The following POLRMT variants were observed in gnomAD, a reference collection of about 807,000 sequenced individuals.
POLRMT encodes the protein RNA polymerase mitochondrial, also known as DNA-directed RNA polymerase, mitochondrial.
POLRMT carries 114 observed loss-of-function variants against 132.2 expected under a neutral mutation model. The observed-to-expected ratio is 0.86, with a 90% CI of 0.74 to 1.01. The LOEUF (loss-of-function observed/expected upper bound fraction) is 1.01. POLRMT is among the 50% of genes least tolerant of loss of function. The pLI, the probability that POLRMT is intolerant of heterozygous loss-of-function variation, is 0.00. For synonymous variants in POLRMT, 1,020 were observed against 773.4 expected, an observed-to-expected ratio of 1.32 and a Z score of -5.29; for missense variants, 2,003 against 1,729.1, an observed-to-expected ratio of 1.16 and a Z score of -2.81.
intron 2 of POLRMT, among the ~76,000 whole-genome samples, chr19:632,418 C>T (rs1056642951): frequency 1.3e-5 from 2 of 152,140 alleles, no homozygotes; most frequent in African/African-American, 4.8e-5. Context: ...CTGTCCCTCC[C>T]AAGTTTCGCA....
At chr19:631,349 G>GA (rs34718478) in intron 2 of POLRMT, among the ~76,000 whole-genome samples, 22 of 147,650 alleles carry the variant, frequency 1.5e-4, no homozygotes, top group African/African-American at 5.5e-4. Flanking sequence ...GGGGGGGGGG[G>GA]ACCCAGGTGT....
At position 617,404 on chromosome 19, in the gene POLRMT, T is replaced by A. The variant is rs373582700; in HGVS notation, c.3643+15A>T. ...GCAGTTCGAGCCACCCTTGCGAGGC[T>A]GCCCACCCGCCTACCTGGCTTGGGC... On this transcript the variant is annotated intron_variant, in intron 20 of 20. Coordinates refer to ENST00000588649, the MANE Select transcript of POLRMT (RefSeq NM_005035.4). 2.2e-5 allele frequency: 36 copies of A among 1,612,258 alleles called. 1 individual carries two copies. In the African/African-American group the frequency reaches 4.8e-4, roughly 21 times the overall value.
In POLRMT at chr19:620,514, T is replaced by G; in HGVS notation, c.2641-27A>C. The G allele has an allele frequency of 1.9e-6, 3 of 1,539,242 alleles. 1 individual carries two copies. The highest frequency in any genetic ancestry group is 1.2e-5 in the South Asian group (1 of 80,178). ...TGCGGGGACAGCGGATGGGGGGCAG[T>G]GAGGCCCGGGCCCGATCCCTGAGCC... On this transcript the variant is annotated intron_variant, in intron 10 of 20. Coordinates refer to ENST00000588649, the MANE Select transcript of POLRMT (RefSeq NM_005035.4).
In POLRMT at chr19:624,895, G is replaced by A; in HGVS notation, c.964C>T (p.Gln322Ter). Residue 322 changes from glutamine (Q) to a stop codon, truncating the protein, a stop_gained, in exon 5 of 21, where the codon CAG becomes TAG. Transcript: ENST00000588649. LOFTEE classifies it high-confidence loss of function. ...DAGTIERCLE[Q>*]MSQEGLKLQA... ...AGCTTCAGCCCCTCCTGGCTCATCTGTTCCAGACACCTGTGGTGCAGGCGG... is the reference window on the plus strand; with the variant it reads ...AGCTTCAGCCCCTCCTGGCTCATCTATTCCAGACACCTGTGGTGCAGGCGG... 6.2e-7 allele frequency: 1 copy of A among 1,610,106 alleles called. No individual in the cohort carries two copies. The highest frequency in any genetic ancestry group is 1.1e-5 in the South Asian group (1 of 90,940).
rs1199672701 is a variant in POLRMT at position 621,451 on chromosome 19, G to A, written c.2247C>T (p.Ser749=). The A allele has an allele frequency of 1.1e-5, 16 of 1,402,258 alleles. No individual in the cohort carries two copies. The highest frequency in any genetic ancestry group is 2.8e-6 in the Non-Finnish European group (3 of 1,086,598). The allele number at this position is 1,402,258 out of a possible 1,614,324, so 86.9% of individuals were successfully genotyped here. ...PQPPEAHLPH[S]AAPARKAELR... is the part of the protein sequence containing the mutation. Reference sequence around the variant, plus strand: ...GCTCGGCCTTGCGGGCGGGCGCGGCGCTGTGCGGCAGGTGGGCCTCGGGCG... The same window carrying A: ...GCTCGGCCTTGCGGGCGGGCGCGGCACTGTGCGGCAGGTGGGCCTCGGGCG... Residue 749 remains serine (S), a synonymous_variant, in exon 10 of 21, where the codon AGC becomes AGT. Transcript: ENST00000588649.
chr19:628,458 C>T (rs1297130646), intron 3 of POLRMT, among the ~76,000 whole-genome samples: 2 of 152,356 alleles, frequency 1.3e-5, no homozygotes, highest in East Asian at 1.9e-4. Flanking sequence ...ACTGGCCCCA[C>T]CTGATCCTGA....
chr19:623,883 C>T (rs996560593), intron 5 of POLRMT, among the ~76,000 whole-genome samples: 2 of 152,134 alleles, frequency 1.3e-5, no homozygotes, highest in African/African-American at 4.8e-5. Context: ...CTGGGGAGAC[C>T]GTTCACTGCA....
In POLRMT at chr19:625,055, C is replaced by T. The variant is rs889237196; in HGVS notation, c.953+69G>A. ...GGGGGTCCCCAGCCCCCAGCCCAGG[C>T]ACCGTCCCAGATCTTAAAACCCTGG... On this transcript the variant is annotated intron_variant, in intron 4 of 20. Coordinates refer to ENST00000588649, the MANE Select transcript of POLRMT (RefSeq NM_005035.4). 15 of 1,548,558 alleles carry T rather than the reference C, an allele frequency of 9.7e-6. No homozygotes were observed. The Admixed American group carries it at 2.9e-4, about 30-fold the overall frequency.
At position 621,471 on chromosome 19, in the gene POLRMT, C is replaced by T; in HGVS notation, c.2227G>A (p.Glu743Lys). The T allele has an allele frequency of 2.9e-6, 4 of 1,368,818 alleles. No individual in the cohort carries two copies. The highest frequency in any genetic ancestry group is 1.7e-5 in the South Asian group (1 of 60,174). The allele number at this position is 1,368,818 out of a possible 1,614,324, so 84.8% of individuals were successfully genotyped here. ...APPSEAPQPPEAHLPHSAAPA... is the reference protein window; with the variant it reads ...APPSEAPQPPKAHLPHSAAPA... ...GCGGCGCTGTGCGGCAGGTGGGCCTCGGGCGGCTGGGGCGCCTCGGAGGGC... is the reference window on the plus strand; with the variant it reads ...GCGGCGCTGTGCGGCAGGTGGGCCTTGGGCGGCTGGGGCGCCTCGGAGGGC... The change falls in exon 10 of 21, where the codon GAG becomes AAG. Residue 743 changes from glutamate to lysine, a missense_variant. Coordinates refer to ENST00000588649, the MANE Select transcript of POLRMT (RefSeq NM_005035.4).
In POLRMT at chr19:619,128, T is replaced by TCTCAGGGCAGGGGG. The variant is rs1568375387; in HGVS notation, c.3154-32_3154-19dup. 2.5e-6 allele frequency: 4 copies of TCTCAGGGCAGGGGG among 1,610,572 alleles called. No homozygotes were observed. The highest frequency in any genetic ancestry group is 3.4e-6 in the Non-Finnish European group (4 of 1,178,492). ...AGCCAGTGCTGTGGGACACAGGCCGTCTCAGGGCAGGGGGCTCAGGCCGGG... is the reference window on the plus strand; with the variant it reads ...AGCCAGTGCTGTGGGACACAGGCCGTCTCAGGGCAGGGGGCTCAGGGCAGGGGGCTCAGGCCGGG... On this transcript the variant is annotated intron_variant, in intron 14 of 20. Transcript: ENST00000588649.
rs1984680588 is a variant in POLRMT, at chr19:622,352, G to A, written c.1648C>T (p.Arg550Trp). 1.3e-6 allele frequency: 2 copies of A among 1,553,814 alleles called. No homozygotes were observed. Among genetic ancestry groups the A allele is most frequent in the East Asian group, 2.4e-5 (1 of 41,502 alleles). Residue 550 changes from arginine to tryptophan, a missense_variant, in exon 9 of 21, where the codon CGG becomes TGG. Coordinates refer to ENST00000588649, the MANE Select transcript of POLRMT (RefSeq NM_005035.4). ...GCCCCCAGCTCCTCCCAGTACTGCC[G>A]CGGCAGGCAGGGCTCGGGCACCTGT... ...DAEVPEPCLP[R>W]QYWEELGAPE...
rs751441555 is a variant in POLRMT, at chr19:618,708, CTGA to C, written c.3317_3319del (p.Ile1106del). The C allele has an allele frequency of 3.1e-6, 5 of 1,607,676 alleles. No homozygotes were observed. Among genetic ancestry groups the C allele is most frequent in the Non-Finnish European group, 4.2e-6 (5 of 1,177,438 alleles). On this transcript the variant is annotated inframe_deletion, in exon 16 of 21. Transcript: ENST00000588649. ...CCAGCCCGGGCCCCCCACTCACCGG[CTGA>C]TGTCTCCGTTGTGGGTGTAGGTGAT...
At chr19:618,925 G>C in intron 15 of POLRMT, 72 bp downstream of exon 15, 2 of 1,387,438 alleles carry the variant, frequency 1.4e-6, no homozygotes, top group Non-Finnish European at 2.0e-6. Context: ...GGTACGCTGG[G>C]GCACTGGTAC....
At position 622,393 on chromosome 19, in the gene POLRMT, G is replaced by A. The variant is rs1984684865; in HGVS notation, c.1627-20C>T. The A allele has an allele frequency of 2.6e-6, 4 of 1,528,388 alleles. No individual in the cohort carries two copies. The highest frequency in any genetic ancestry group is 2.0e-5 in the Admixed American group (1 of 49,210). The allele number at this position is 1,528,388 out of a possible 1,614,324, so 94.7% of individuals were successfully genotyped here. A position where few individuals can be genotyped will look rare whatever the true frequency, so the allele number is the denominator to read the frequency against. On this transcript the variant is annotated intron_variant, in intron 8 of 20. Coordinates refer to ENST00000588649, the MANE Select transcript of POLRMT (RefSeq NM_005035.4). Reference sequence around the variant, plus strand: ...GGGCACCTGTAGGACAGGGCGGTCAGGGCGCTGGGCACCGGGGCCCCTGAG... The same window carrying A: ...GGGCACCTGTAGGACAGGGCGGTCAAGGCGCTGGGCACCGGGGCCCCTGAG...
chr19:627,473 C>T (rs138627576), intron 3 of POLRMT, among the ~76,000 whole-genome samples: 6 of 151,854 alleles, frequency 4.0e-5, no homozygotes, highest in Non-Finnish European at 8.8e-5. Flanking sequence ...AGTTTCTAAA[C>T]AACCTCTGTA....
rs753080676 is a variant in POLRMT at position 618,584 on chromosome 19, T to C, written c.3326A>G (p.Lys1109Arg). 4.5e-5 allele frequency: 72 copies of C among 1,611,776 alleles called. No individual in the cohort carries two copies. Among genetic ancestry groups the C allele is most frequent in the Non-Finnish European group, 6.0e-5 (71 of 1,178,394 alleles). ...TYTHNGDISR[K>R]PNTRKQKNGF... ...GTTCTTCTGCTTACGTGTGTTGGGCTTTCTGAGGACGGAACAGGTGCCGGT... is the reference window on the plus strand; with the variant it reads ...GTTCTTCTGCTTACGTGTGTTGGGCCTTCTGAGGACGGAACAGGTGCCGGT... The change falls in exon 17 of 21, where the codon AAG becomes AGG. Residue 1109 changes from lysine to arginine, a missense_variant and splice_region_variant. Transcript: ENST00000588649.
chr19:622,678 G>A lies in POLRMT; in HGVS notation c.1530C>T (p.Ser510=). The A allele has an allele frequency of 1.2e-6, 2 of 1,605,342 alleles. No homozygotes were observed. Among genetic ancestry groups the A allele is most frequent in the Non-Finnish European group, 1.7e-6 (2 of 1,177,246 alleles). Residue 510 remains serine, a synonymous_variant, in exon 8 of 21, where the codon AGC becomes AGT. Transcript: ENST00000588649. ...CCCGCTGCCTCTGCACCACGTGCCG[G>A]CTGAAAGTGCGCGCACTCAGCTCCC... ...LARELSARTF[S]RHVVQRQRVS...
rs142775005 is a variant in POLRMT, at chr19:623,092, G to A, written c.1291-107C>T. 1,200 of 1,345,486 alleles carry A rather than the reference G, an allele frequency of 8.9e-4. 21 individuals carry two copies. In the East Asian group the frequency reaches 0.028, roughly 32 times the overall value. 83.3% of individuals were successfully genotyped at this position (1,345,486 alleles called of 1,614,324 possible). On this transcript the variant is annotated intron_variant, in intron 6 of 20. Coordinates refer to ENST00000588649, the MANE Select transcript of POLRMT (RefSeq NM_005035.4). ...CTGCAGAGACCTCATGGCCCTCAAG[G>A]TCCCTGCTGTGTGTTCCGGGTAGCT...
chr19:619,294 C>T lies in POLRMT; in HGVS notation c.3069G>A (p.Glu1023=), dbSNP rs764581484. Reference sequence around the variant, plus strand: ...GATAGTGAGAGGCCTCCCACACGAACTCCTGCAGAGGGCGGGCAGCAGGTG... The same window carrying T: ...GATAGTGAGAGGCCTCCCACACGAATTCCTGCAGAGGGCGGGCAGCAGGTG... The part of the protein sequence containing the change: ...RLRELSDFPQ[E]FVWEASHYLV... Residue 1023 remains glutamate (E), a splice_region_variant and synonymous_variant, in exon 14 of 21, where the codon GAG becomes GAA. Transcript: ENST00000588649. 6.2e-7 allele frequency: 1 copy of T among 1,608,982 alleles called. No individual in the cohort carries two copies. Among genetic ancestry groups the T allele is most frequent in the East Asian group, 2.2e-5 (1 of 44,798 alleles).
Sources: gnomAD v4.1 joint callset for allele counts (sites outside exome capture counted in the v4.1 genomes callset) on GRCh38, gnomAD v4.1.1 for gene constraint, MANE v1.5 for transcripts, NCBI Gene and HGNC (gene_info 2026-07-23, HGNC 2026-07-21) for gene names.